The following KLHL13 variants were observed in gnomAD, a reference collection of about 807,000 sequenced individuals.
KLHL13 encodes the protein kelch-like protein 13.
A neutral mutation model predicts 37.1 loss-of-function variants in KLHL13; 10 were observed. The ratio of observed to expected loss-of-function variants is 0.27; its 90% CI spans 0.17 to 0.46. KLHL13 has a LOEUF of 0.46. KLHL13 is among the 20% of genes least tolerant of loss of function. KLHL13 has a pLI of 1.00. For synonymous variants in KLHL13, 163 were observed against 181.2 expected, an observed-to-expected ratio of 0.90 and a Z score of 0.81; for missense variants, 360 against 509.3, an observed-to-expected ratio of 0.71 and a Z score of 2.82.
intron 2 of KLHL13, among the ~76,000 whole-genome samples, chrX:117,938,187 T>C (rs1247879706): frequency 8.9e-6 from 1 of 111,899 alleles, no homozygotes; most frequent in Non-Finnish European, 1.9e-5. Flanking sequence ...TTCCATTCAA[T>C]ATGTACAGAT....
chrX:117,914,566 T>C (rs982201693), intron 4 of KLHL13, among the ~76,000 whole-genome samples: 6 of 111,648 alleles, frequency 5.4e-5, no homozygotes, highest in African/African-American at 9.8e-5. Context: ...AGGCAGAGAA[T>C]GTACAGGTAT....
At chrX:118,093,958 A>T (rs774547967) in intron 1 of KLHL13, among the ~76,000 whole-genome samples, 1 of 109,780 alleles carries the variant, frequency 9.1e-6, no homozygotes, top group East Asian at 2.9e-4. Flanking sequence ...GACACAGAAG[A>T]CGGGTAATTT....
chrX:118,072,481 G>T (rs1428239259), intron 1 of KLHL13, among the ~76,000 whole-genome samples: 1 of 111,526 alleles, frequency 9.0e-6, no homozygotes, highest in Non-Finnish European at 1.9e-5. Flanking sequence ...TTGACAAATG[G>T]GATCTAATTC....
At chrX:117,955,752 T>A (rs757341726) in intron 1 of KLHL13, among the ~76,000 whole-genome samples, 4 of 111,783 alleles carry the variant, frequency 3.6e-5, no homozygotes, top group Non-Finnish European at 7.5e-5. Flanking sequence ...TTTCTGCATA[T>A]CTGCCTCACC....
At chrX:118,085,796 GGTGT>G (rs4025518) in intron 1 of KLHL13, among the ~76,000 whole-genome samples, 3,940 of 85,523 alleles carry the variant, frequency 0.046, 106 homozygotes, top group African/African-American at 0.087. Flanking sequence ...AATATTCCAT[GGTGT>G]GTGTGTGTGT....
rs1035807781 is a variant in KLHL13 at position 117,898,583 on chromosome X, T to C, written c.*325A>G. 3.4e-4 allele frequency: 59 copies of C among 172,359 alleles called. 1 individual carries two copies. The highest frequency in any genetic ancestry group is 1.8e-3 in the African/African-American group (58 of 32,634). 14.2% of individuals were successfully genotyped at this position (172,359 alleles called of 1,213,427 possible). ...CACCTTCAACTTGGCTTATTGGGTT[T>C]ACTAATGTAAGATGACAAATACCTT... On this transcript the variant is annotated 3_prime_UTR_variant, in exon 7 of 7. Coordinates refer to ENST00000262820, the Ensembl canonical transcript of KLHL13.
intron 2 of KLHL13, among the ~76,000 whole-genome samples, chrX:117,943,432 G>C (rs1180369803): frequency 9.0e-6 from 1 of 110,713 alleles, no homozygotes; most frequent in African/African-American, 3.3e-5. Context: ...TTCCAACTTT[G>C]TTCCATTCTC....
upstream of KLHL13, among the ~76,000 whole-genome samples, chrX:117,974,865 G>C (rs931599203): frequency 9.0e-6 from 1 of 110,971 alleles, no homozygotes; most frequent in Admixed American, 9.6e-5. Context: ...TCATACAAAA[G>C]AAACAGCCCC....
chrX:117,980,994 G>A (rs772811967), intron 1 of KLHL13, among the ~76,000 whole-genome samples: 1 of 111,724 alleles, frequency 9.0e-6, no homozygotes, highest in East Asian at 2.8e-4. Flanking sequence ...ACTATTTCCA[G>A]ATCCTTTTCG....
rs1313398767 is a variant in KLHL13, at chrX:118,103,882, A to G, written c.-56+12626T>C. On this transcript the variant is annotated intron_variant, in intron 1 of 6. Coordinates refer to the KLHL13 transcript ENST00000371882. Reference sequence around the variant, plus strand: ...TTTTTTTTAATTCCAGTTATTTCATACTATCTGTACATAGTATCATGGAAT... The same window carrying G: ...TTTTTTTTAATTCCAGTTATTTCATGCTATCTGTACATAGTATCATGGAAT... Among the ~76,000 whole-genome samples, 9 of 109,085 alleles carry G rather than the reference A, an allele frequency of 8.3e-5. No individual in the cohort carries two copies. The Admixed American group carries it at 9.0e-4, about 11-fold the overall frequency. 94.7% of individuals were successfully genotyped at this position (109,085 alleles called of 115,157 possible). A position where few individuals can be genotyped will look rare whatever the true frequency, so the allele number is the denominator to read the frequency against.
At chrX:117,969,500 T>C (rs2053488658) in intron 1 of KLHL13, among the ~76,000 whole-genome samples, 1 of 111,639 alleles carries the variant, frequency 9.0e-6, no homozygotes, top group Non-Finnish European at 1.9e-5. Context: ...CAGTTTACAC[T>C]GGCCAGGAGA....
chrX:118,012,686 G>A (rs2147992976), intron 1 of KLHL13, among the ~76,000 whole-genome samples: 1 of 105,308 alleles, frequency 9.5e-6, no homozygotes, highest in Admixed American at 1.0e-4. Flanking sequence ...CGGGGGCGGG[G>A]GCAGGGGGCG....
At chrX:117,909,798 T>C in exon 5 of KLHL13, 1 of 1,211,874 alleles carries the variant, frequency 8.3e-7, no homozygotes, top group Non-Finnish European at 1.1e-6. Flanking sequence ...AATGAGCTCC[T>C]GTGGTGTCAT....
Position 117,972,832 on chromosome X carries a change from G to T in KLHL13, c.-4C>A, listed in dbSNP as rs200220640. The T allele has an allele frequency of 3.0e-5, 36 of 1,207,604 alleles. No individual in the cohort carries two copies. The Admixed American group carries it at 4.4e-4, about 15-fold the overall frequency. On this transcript the variant is annotated 5_prime_UTR_variant, in exon 1 of 7. Transcript: ENST00000262820. ...TCGTTTTCCATTTCAATGGCATGTT[G>T]TCACCACGGTACTACAATAACAGTA...
intron 1 of KLHL13, among the ~76,000 whole-genome samples, chrX:118,011,133 G>A (rs1218718106): frequency 9.2e-6 from 1 of 109,071 alleles, no homozygotes; most frequent in African/African-American, 3.3e-5. Context: ...GCTTGGAAGA[G>A]GCATGGCATA....
intron 2 of KLHL13, among the ~76,000 whole-genome samples, chrX:117,936,315 G>A (rs1932760072): frequency 9.0e-6 from 1 of 111,164 alleles, no homozygotes; most frequent in Non-Finnish European, 1.9e-5. Flanking sequence ...AAGATTCTAG[G>A]AATCCAAGCC....
chrX:117,914,871 CCAGA>C (rs1211584294), intron 4 of KLHL13, among the ~76,000 whole-genome samples: 2 of 111,950 alleles, frequency 1.8e-5, no homozygotes, highest in Non-Finnish European at 3.8e-5. Context: ...CCTCTTCTTC[CCAGA>C]CAGAGTCCCA....
At chrX:117,909,915 T>G in exon 5 of KLHL13, 1 of 1,211,673 alleles carries the variant, frequency 8.3e-7, no homozygotes, top group South Asian at 1.8e-5. Context: ...TTCAGTACAG[T>G]GCTTAAGGCT....
chrX:118,077,265 T>C (rs2054938983), intron 1 of KLHL13, among the ~76,000 whole-genome samples: 1 of 111,404 alleles, frequency 9.0e-6, no homozygotes, highest in Admixed American at 9.6e-5. Context: ...CCAAATGTGA[T>C]CAATTCTATA....
Sources: gnomAD v4.1 joint callset for allele counts (sites outside exome capture counted in the v4.1 genomes callset) on GRCh38, gnomAD v4.1.1 for gene constraint, MANE v1.5 for transcripts, NCBI Gene and HGNC (gene_info 2026-07-23, HGNC 2026-07-21) for gene names.